Variants in PAPOLG observed in about 807,000 individuals in gnomAD.
The protein encoded by PAPOLG is poly(A) polymerase gamma, also known as PAP-gamma.
A neutral mutation model predicts 99.0 loss-of-function variants in PAPOLG; 40 were observed. That is an observed-to-expected ratio of 0.40 (90% CI 0.31 to 0.53). The LOEUF (loss-of-function observed/expected upper bound fraction) is 0.53, where lower values mean the gene tolerates loss of function less well. Among genes scored for constraint, PAPOLG ranks in the 20% least tolerant of loss-of-function variants. The pLI is 0.41. For synonymous variants in PAPOLG, 310 were observed against 299.3 expected (o/e 1.04, Z -0.37); for missense variants, 675 against 884.1 (o/e 0.76, Z 3.00).
chr2:60,770,440 TG>T lies in PAPOLG; in HGVS notation c.439-17del. 6.3e-7 allele frequency: 1 copy of T among 1,585,288 alleles called. No homozygotes were observed. Among genetic ancestry groups the T allele is most frequent in the Admixed American group, 1.8e-5 (1 of 55,300 alleles). On this transcript the variant is annotated splice_polypyrimidine_tract_variant and intron_variant, in intron 5 of 21. Coordinates refer to ENST00000238714, the MANE Select transcript of PAPOLG (RefSeq NM_022894.4). ...AGGGATTACACCTATGTGTTATAAT[TG>T]TTTTCCTTTTTTGTAGGCTGTAGAA...
At chr2:60,790,629 G>A (rs1671502787) in intron 15 of PAPOLG, among the ~76,000 whole-genome samples, 1 of 152,180 alleles carries the variant, frequency 6.6e-6, no homozygotes, top group South Asian at 2.1e-4. Flanking sequence ...ATCCTGGCAA[G>A]GTATTCAGAG....
In PAPOLG at chr2:60,792,184, C is replaced by T. The variant is rs1671559167; in HGVS notation, c.1574C>T (p.Ser525Phe). The T allele has an allele frequency of 6.2e-7, 1 of 1,603,622 alleles. No homozygotes were observed. Among genetic ancestry groups the T allele is most frequent in the Non-Finnish European group, 8.5e-7 (1 of 1,177,638 alleles). Residue 525 changes from serine to phenylalanine, a missense_variant, in exon 17 of 22, where the codon TCT becomes TTT. Physicochemically the swap from Ser to Phe is radical, Grantham distance 155. Coordinates refer to ENST00000238714, the MANE Select transcript of PAPOLG (RefSeq NM_022894.4). ...GGCGGACTTCAATCCAAAAGATTGT[C>T]TCTGGATAGCAGTTGTCTGGATAGC... is the stretch of plus-strand genomic sequence containing the variant. Reference protein sequence around the residue: ...SSGGLQSKRLSLDSSCLDSSR... With the variant: ...SSGGLQSKRLFLDSSCLDSSR...
chr2:60,772,705 G>A (rs1468807378), intron 7 of PAPOLG, among the ~76,000 whole-genome samples: 1 of 152,002 alleles, frequency 6.6e-6, no homozygotes, highest in Non-Finnish European at 1.5e-5. Context: ...CTGAGATCAT[G>A]CCACCACAAT....
intron 21 of PAPOLG, 104 bp from the exon 22 acceptor site, chr2:60,796,958 T>C: frequency 6.9e-7 from 1 of 1,445,198 alleles, no homozygotes; most frequent in Non-Finnish European, 9.4e-7. Flanking sequence ...AGCTAGAGGG[T>C]TTGGGAGAAA....
In PAPOLG at chr2:60,797,918, C is replaced by G. The variant is rs1329966879; in HGVS notation, c.*758C>G. The G allele has an allele frequency of 6.5e-6, 1 of 152,708 alleles. No homozygotes were observed. The highest frequency in any genetic ancestry group is 1.5e-5 in the Non-Finnish European group (1 of 68,026). The allele number at this position is 152,708 out of a possible 1,614,324, so 9.5% of individuals were successfully genotyped here. On this transcript the variant is annotated 3_prime_UTR_variant, in exon 22 of 22. Transcript: ENST00000238714. ...TCTTTATTAAAAATCAAAATATAAC[C>G]AGGATACTGAAAGTCAGTATATGAA...
intron 15 of PAPOLG, 193 bp from the exon 16 acceptor site, chr2:60,791,568 A>T: frequency 2.2e-6 from 1 of 457,118 alleles, no homozygotes; most frequent in Non-Finnish European, 3.7e-6. Context: ...AAGAAAAACT[A>T]GTGGATTCAT....
rs1671789755 is a variant in PAPOLG, at chr2:60,798,981, G to A, written c.*1821G>A. On this transcript the variant is annotated 3_prime_UTR_variant, in exon 22 of 22. Coordinates refer to ENST00000238714, the MANE Select transcript of PAPOLG (RefSeq NM_022894.4). ...AAGTTGAAGCTTCCTTGGCAAAGCT[G>A]TTGTCTTAGCTGACTCTTTCCCTTT... is the stretch of plus-strand genomic sequence containing the variant. 1.3e-5 allele frequency: 2 copies of A among 152,306 alleles called. No individual in the cohort carries two copies. Among genetic ancestry groups the A allele is most frequent in the South Asian group, 2.1e-4 (1 of 4,826 alleles). The allele number at this position is 152,306 out of a possible 1,614,324, so 9.4% of individuals were successfully genotyped here. A position where few individuals can be genotyped will look rare whatever the true frequency, so the allele number is the denominator to read the frequency against.
intron 5 of PAPOLG, among the ~76,000 whole-genome samples, chr2:60,769,384 C>A (rs79828242): frequency 6.6e-6 from 1 of 152,242 alleles, no homozygotes; most frequent in East Asian, 1.9e-4. Flanking sequence ...ATTAGTCTTA[C>A]AGATACAATA....
chr2:60,770,669 G>A (rs904571728), intron 6 of PAPOLG, among the ~76,000 whole-genome samples, 158 bp downstream of exon 6: 1 of 151,400 alleles, frequency 6.6e-6, no homozygotes, highest in South Asian at 2.1e-4. Context: ...TATGGCCAAG[G>A]CTGGAGTATA....
At chr2:60,775,193 A>C (rs1285351192) in intron 8 of PAPOLG, 70 bp downstream of exon 8, 1 of 1,496,288 alleles carries the variant, frequency 6.7e-7, no homozygotes, top group African/African-American at 1.4e-5. Flanking sequence ...AAAGAAGCAT[A>C]TATAGAAACT....
At chr2:60,778,308 G>A (rs565693417) in intron 8 of PAPOLG, among the ~76,000 whole-genome samples, 28 of 137,688 alleles carry the variant, frequency 2.0e-4, no homozygotes, top group African/African-American at 6.5e-4. Context: ...CACTACACCC[G>A]GCTAATTTTA....
At chr2:60,783,291 CTTTCTT>C (rs1671250542) in intron 13 of PAPOLG, 82 bp downstream of exon 13, 1 of 547,688 alleles carries the variant, frequency 1.8e-6, no homozygotes, top group Non-Finnish European at 3.0e-6. Flanking sequence ...TTATAAAGTA[CTTTCTT>C]GCTTGATTTT....
intron 21 of PAPOLG, chr2:60,795,257 A>G (rs746125414): frequency 1.6e-6 from 1 of 630,968 alleles, no homozygotes; most frequent in South Asian, 1.6e-5. Context: ...ATCTATTTAG[A>G]TTATGTTCAC....
At chr2:60,766,362 G>T (rs1670674778) in intron 3 of PAPOLG, among the ~76,000 whole-genome samples, 1 of 152,114 alleles carries the variant, frequency 6.6e-6, no homozygotes, top group African/African-American at 2.4e-5. Flanking sequence ...TTCTAAAAGT[G>T]GATGATACCG....
rs1229189834 is a variant in PAPOLG at position 60,801,244 on chromosome 2, G to A, written c.*4084G>A. 1 of 151,592 alleles carries A rather than the reference G, an allele frequency of 6.6e-6. No homozygotes were observed. Among genetic ancestry groups the A allele is most frequent in the East Asian group, 1.9e-4 (1 of 5,300 alleles). 9.4% of individuals were successfully genotyped at this position (151,592 alleles called of 1,614,324 possible). A position where few individuals can be genotyped will look rare whatever the true frequency, so the allele number is the denominator to read the frequency against. Reference sequence around the variant, plus strand: ...TAAACAGACCAATAAATATAAAAGTGATAGTTTAGGGAAAAAAAAAAACTT... The same window carrying A: ...TAAACAGACCAATAAATATAAAAGTAATAGTTTAGGGAAAAAAAAAAACTT... On this transcript the variant is annotated 3_prime_UTR_variant, in exon 22 of 22. Coordinates refer to ENST00000238714, the MANE Select transcript of PAPOLG (RefSeq NM_022894.4).
In PAPOLG at chr2:60,756,473, G is replaced by T; in HGVS notation, c.-6G>T. Reference sequence around the variant, plus strand: ...ACACTCGCTGGAGAGGGAGACGCAGGAAGCGATGAAAGAGATGTCTGCGTA... The same window carrying T: ...ACACTCGCTGGAGAGGGAGACGCAGTAAGCGATGAAAGAGATGTCTGCGTA... On this transcript the variant is annotated 5_prime_UTR_variant, in exon 1 of 22. Coordinates refer to ENST00000238714, the MANE Select transcript of PAPOLG (RefSeq NM_022894.4). The T allele has an allele frequency of 6.3e-7, 1 of 1,599,532 alleles. No individual in the cohort carries two copies. The highest frequency in any genetic ancestry group is 8.5e-7 in the Non-Finnish European group (1 of 1,172,696).
At chr2:60,794,911 T>C (rs1026127456) in intron 20 of PAPOLG, 53 bp from the exon 21 acceptor site, 28 of 1,600,396 alleles carry the variant, frequency 1.7e-5, no homozygotes, top group African/African-American at 2.7e-5. Flanking sequence ...TAGAAATAAG[T>C]GTTTGCATAT....
intron 2 of PAPOLG, 135 bp downstream of exon 2, chr2:60,760,430 G>A (rs964286753): frequency 2.6e-6 from 2 of 769,518 alleles, no homozygotes; most frequent in African/African-American, 1.8e-5. Flanking sequence ...CCCTCTTGGA[G>A]CTTACATTTT....
At chr2:60,756,596 C>A in intron 1 of PAPOLG, 101 bp downstream of exon 1, 2 of 1,265,096 alleles carry the variant, frequency 1.6e-6, no homozygotes, top group Non-Finnish European at 2.2e-6. Context: ...GCGCCCTGCA[C>A]GCAGCTCGCC....
Sources: gnomAD v4.1 joint callset for allele counts (sites outside exome capture counted in the v4.1 genomes callset) on GRCh38, gnomAD v4.1.1 for gene constraint, MANE v1.5 for transcripts, NCBI Gene and HGNC (gene_info 2026-07-23, HGNC 2026-07-21) for gene names.